Variants in IPO11 observed in about 807,000 individuals in gnomAD.
IPO11 encodes importin-11.
A neutral mutation model predicts 143.2 loss-of-function variants in IPO11; 66 were observed. That is an observed-to-expected ratio of 0.46 (90% CI 0.38 to 0.57). The LOEUF (loss-of-function observed/expected upper bound fraction) is 0.57. Ranked by LOEUF, IPO11 falls within the 20% of genes least tolerant of loss-of-function variation. The pLI, the probability that IPO11 is intolerant of heterozygous loss-of-function variation, is 0.00. For missense variants in IPO11, 1,026 were observed against 1,141.0 expected, an observed-to-expected ratio of 0.90 and a Z score of 1.45; for synonymous variants, 385 against 377.8, an observed-to-expected ratio of 1.02 and a Z score of -0.22.
Position 62,467,631 on chromosome 5 carries a change from T to G in IPO11, c.649+368T>G, listed in dbSNP as rs144089659. On this transcript the variant is annotated intron_variant, in intron 6 of 29. Transcript: ENST00000325324. ...CTAAAATTTTTTCTCCAGGCTGGAA[T>G]GAGCACTGTCTTTCATCCCTCCTTT... Among the ~76,000 whole-genome samples, 4 of 152,342 alleles carry G rather than the reference T, an allele frequency of 2.6e-5. No homozygotes were observed. The East Asian group carries it at 7.7e-4, about 29-fold the overall frequency.
In IPO11 at chr5:62,467,132, T is replaced by A; in HGVS notation, c.518T>A (p.Leu173Ter). The A allele has an allele frequency of 6.2e-7, 1 of 1,606,892 alleles. No individual in the cohort carries two copies. The highest frequency in any genetic ancestry group is 8.5e-7 in the Non-Finnish European group (1 of 1,177,982). The stretch of plus-strand genomic sequence containing the variant: ...AAATTTGTTGCCTTTTCTTTGCAGT[T>A]AGCTTCTGGAATTTATAATTTTGCC... ...LAADRKLFYD[L>*]ASGIYNFACS... Residue 173 changes from leucine to a stop codon, truncating the protein, a stop_gained and splice_region_variant, in exon 6 of 30, where the codon TTA becomes TAA. Coordinates refer to ENST00000325324, the MANE Select transcript of IPO11 (RefSeq NM_016338.5). LOFTEE classifies it high-confidence loss of function.
At chr5:62,488,458 G>A (rs1192528599) in intron 13 of IPO11, among the ~76,000 whole-genome samples, 1 of 152,204 alleles carries the variant, frequency 6.6e-6, no homozygotes, top group Admixed American at 6.5e-5. Context: ...GATTGAATGT[G>A]CTAGGCAAGG....
At chr5:62,544,106 G>A (rs577067851) in intron 24 of IPO11, among the ~76,000 whole-genome samples, 2 of 152,034 alleles carry the variant, frequency 1.3e-5, no homozygotes, top group African/African-American at 4.8e-5. Context: ...CATTTTATGA[G>A]GCCAACATCA....
At position 62,561,230 on chromosome 5, in the gene IPO11, T is replaced by C. The variant is rs1207666708; in HGVS notation, c.2555T>C (p.Leu852Ser). 3.1e-6 allele frequency: 5 copies of C among 1,588,220 alleles called. No homozygotes were observed. The highest frequency in any genetic ancestry group is 4.3e-6 in the Non-Finnish European group (5 of 1,166,696). ...AGAAGAAAACTTTCAGCTTTGGCTT[T>C]GCTCTCTCTTCTGCCATCTGATAAT... ...PERRKLSALALLSLLPSDNSV... is the reference protein window; with the variant it reads ...PERRKLSALASLSLLPSDNSV... The change falls in exon 27 of 30, where the codon TTG (leucine) becomes TCG (serine). Residue 852 changes from leucine to serine, a missense_variant. Transcript: ENST00000325324.
chr5:62,582,125 G>A (rs1426469751), intron 27 of IPO11, among the ~76,000 whole-genome samples: 1 of 152,152 alleles, frequency 6.6e-6, no homozygotes, highest in Non-Finnish European at 1.5e-5. Flanking sequence ...AGCCATTGAA[G>A]GATTTTTAAG....
rs1561332087 is a variant in IPO11 at position 62,489,359 on chromosome 5, ACTT to A, written c.1357+11_1357+13del. 1 of 1,546,390 alleles carries A rather than the reference ACTT, an allele frequency of 6.5e-7. No individual in the cohort carries two copies. The highest frequency in any genetic ancestry group is 2.3e-5 in the East Asian group (1 of 42,756). On this transcript the variant is annotated intron_variant, in intron 14 of 29. Transcript: ENST00000325324. Reference sequence around the variant, plus strand: ...TTAATCAAAGATGCTGGTATGTTAAACTTAAGTGATTTAGAAGCATTTATTTAT... The same window carrying A: ...TTAATCAAAGATGCTGGTATGTTAAAAAGTGATTTAGAAGCATTTATTTAT...
At chr5:62,583,170 T>A (rs1744633140) in intron 27 of IPO11, among the ~76,000 whole-genome samples, 1 of 152,210 alleles carries the variant, frequency 6.6e-6, no homozygotes, top group Admixed American at 6.5e-5. Context: ...TGTATTTTTT[T>A]CTTTGTTGTA....
At chr5:62,613,293 CTCT>C (rs1169859920) in intron 29 of IPO11, among the ~76,000 whole-genome samples, 1 of 102,878 alleles carries the variant, frequency 9.7e-6, no homozygotes, top group African/African-American at 3.4e-5. Flanking sequence ...ATTCCACATG[CTCT>C]TCTTTTTTTT....
chr5:62,587,143 C>A (rs1043223152), intron 27 of IPO11, among the ~76,000 whole-genome samples: 1 of 151,734 alleles, frequency 6.6e-6, no homozygotes, highest in Non-Finnish European at 1.5e-5. Context: ...TCCTTGTAGT[C>A]TTGAAGATAA....
chr5:62,504,674 T>G lies in IPO11; in HGVS notation c.1598T>G (p.Ile533Ser). The G allele has an allele frequency of 6.8e-7, 1 of 1,480,292 alleles. No individual in the cohort carries two copies. Among genetic ancestry groups the G allele is most frequent in the Non-Finnish European group, 9.3e-7 (1 of 1,078,298 alleles). The allele number at this position is 1,480,292 out of a possible 1,614,324, so 91.7% of individuals were successfully genotyped here. A position where few individuals can be genotyped will look rare whatever the true frequency, so the allele number is the denominator to read the frequency against. ...TGATATACTTTCTTTTAGGTCCGTA[T>G]TGAAACAGCTACAACTTTGAAGTTA... ...LLQDQDLVVR[I>S]ETATTLKLTV... is the part of the protein sequence containing the mutation. Residue 533 changes from isoleucine to serine, a missense_variant, in exon 17 of 30, where the codon ATT becomes AGT. This residue lies in a region of IPO11 where 237 missense variants were observed against 288.0 expected (regional missense o/e 0.82). Transcript: ENST00000325324.
At chr5:62,612,244 C>G (rs1745949097) in intron 29 of IPO11, among the ~76,000 whole-genome samples, 1 of 152,080 alleles carries the variant, frequency 6.6e-6, no homozygotes, top group South Asian at 2.1e-4. Flanking sequence ...TTAAAAAAAT[C>G]ATTCAAAGGT....
rs763404816 is a variant in IPO11 at position 62,470,302 on chromosome 5, G to A, written c.702G>A (p.Glu234=). 1.2e-6 allele frequency: 2 copies of A among 1,613,586 alleles called. No individual in the cohort carries two copies. Among genetic ancestry groups the A allele is most frequent in the South Asian group, 1.1e-5 (1 of 91,048 alleles). Residue 234 remains glutamate (E), a synonymous_variant, in exon 7 of 30, where the codon GAG becomes GAA. Coordinates refer to ENST00000325324, the MANE Select transcript of IPO11 (RefSeq NM_016338.5). ...NGFVEPHKNM[E]VMGFLHGIFE... Reference sequence around the variant, plus strand: ...TTGTGGAACCTCATAAGAATATGGAGGTGATGGTAAGTGATCGAAGAAATT... The same window carrying A: ...TTGTGGAACCTCATAAGAATATGGAAGTGATGGTAAGTGATCGAAGAAATT...
At chr5:62,604,295 G>A (rs899563691) in intron 29 of IPO11, among the ~76,000 whole-genome samples, 15 of 151,874 alleles carry the variant, frequency 9.9e-5, no homozygotes, top group African/African-American at 3.4e-4. Context: ...TGCAACCTCC[G>A]CCTCCCAGGT....
chr5:62,536,301 G>T (rs1366905856), intron 22 of IPO11, among the ~76,000 whole-genome samples: 1 of 151,818 alleles, frequency 6.6e-6, no homozygotes, highest in Non-Finnish European at 1.5e-5. Flanking sequence ...GGGTCAAATA[G>T]TTAGGTGGTT....
chr5:62,602,336 A>AT (rs1431947332), intron 29 of IPO11, among the ~76,000 whole-genome samples: 3 of 152,182 alleles, frequency 2.0e-5, no homozygotes, highest in Admixed American at 2.0e-4. Context: ...ACAAAAAAAA[A>AT]GGAAATATCT....
chr5:62,467,397 G>C, intron 6 of IPO11, 134 bp downstream of exon 6: 1 of 914,066 alleles, frequency 1.1e-6, no homozygotes, highest in South Asian at 1.9e-5. Flanking sequence ...TGAAAGATAA[G>C]GGCTTATTTA....
chr5:62,476,833 A>G, intron 9 of IPO11, 80 bp downstream of exon 9: 4 of 1,343,678 alleles, frequency 3.0e-6, no homozygotes, highest in Non-Finnish European at 3.9e-6. Flanking sequence ...TTTTATAACC[A>G]TACATTTTCA....
chr5:62,498,333 A>T (rs571665048), intron 16 of IPO11, among the ~76,000 whole-genome samples: 1 of 152,284 alleles, frequency 6.6e-6, no homozygotes, highest in East Asian at 1.9e-4. Context: ...CCTTCTAAAA[A>T]GTATCTTTTA....
At chr5:62,580,143 G>T in intron 27 of IPO11, 1 of 1,550,986 alleles carries the variant, frequency 6.4e-7, no homozygotes. Context: ...GACTTTCTTT[G>T]TCTCATAATC....
Sources: gnomAD v4.1 joint callset for allele counts (sites outside exome capture counted in the v4.1 genomes callset) on GRCh38, gnomAD v4.1.1 for gene constraint, gnomAD v4.1.1 regional missense constraint, MANE v1.5 for transcripts, NCBI Gene and HGNC (gene_info 2026-07-23, HGNC 2026-07-21) for gene names.